The following LPA variants were observed in gnomAD, a reference collection of about 807,000 sequenced individuals.
LPA encodes lipoprotein(a), also known as apolipoprotein(a).
A neutral mutation model predicts 197.9 loss-of-function variants in LPA; 199 were observed. The ratio of observed to expected loss-of-function variants is 1.01; its 90% CI spans 0.90 to 1.13. The LOEUF is 1.13. Among genes scored for constraint, LPA ranks in the 50% most tolerant of loss-of-function variants. The probability of loss-of-function intolerance (pLI) is 0.00; values close to 1 mark genes in which losing one functional copy is unlikely to be tolerated. For synonymous variants in LPA, 715 were observed against 639.5 expected (o/e 1.12, Z -1.78); for missense variants, 1,853 against 1,785.8 (o/e 1.04, Z -0.68).
At chr6:160,553,954 T>TGTGTGTGTGTGTGCGC (rs771903485) in intron 30 of LPA, among the ~76,000 whole-genome samples, 2,850 of 130,698 alleles carry the variant, frequency 0.022, 42 homozygotes, top group Middle Eastern at 0.049. Flanking sequence ...TGTGTGTGTG[T>TGTGTGTGTGTGTGCGC]GCGCGCGCGC....
chr6:160,601,833 CT>C (rs1439960289), intron 18 of LPA, among the ~76,000 whole-genome samples: 1 of 152,188 alleles, frequency 6.6e-6, no homozygotes, highest in East Asian at 1.9e-4. Context: ...AGTCCATCCT[CT>C]GCTGGCCACA....
chr6:160,650,776 A>C (rs1224031559), intron 1 of LPA, among the ~76,000 whole-genome samples: 2 of 152,208 alleles, frequency 1.3e-5, no homozygotes, highest in Non-Finnish European at 2.9e-5. Context: ...GCTCTTTTTT[A>C]GAAATCTCTT....
At chr6:160,599,425 AC>A in intron 20 of LPA, 74 bp downstream of exon 20, 1 of 1,592,126 alleles carries the variant, frequency 6.3e-7, no homozygotes, top group South Asian at 1.1e-5. Context: ...CTGAGCAGTC[AC>A]CTTGAAGCAT....
Position 160,654,063 on chromosome 6 carries a change from TATTATATATAA to T in LPA, c.50-3577_50-3567del, listed in dbSNP as rs1562355019. On this transcript the variant is annotated intron_variant, in intron 1 of 38. Transcript: ENST00000316300. ...TATATAATATATAATATATTATATA[TATTATATATAA>T]TATATATTATATATATTATATATAA... is the stretch of plus-strand genomic sequence containing the variant. 1.0e-3 allele frequency among the ~76,000 whole-genome samples: 39 copies of T among 37,958 alleles called. 3 individuals carry two copies. Among genetic ancestry groups the T allele is most frequent in the African/African-American group, 4.7e-3 (37 of 7,880 alleles). 24.9% of individuals were successfully genotyped at this position (37,958 alleles called of 152,430 possible). A position where few individuals can be genotyped will look rare whatever the true frequency, so the allele number is the denominator to read the frequency against.
At chr6:160,609,042 G>C (rs1359857045) in intron 16 of LPA, among the ~76,000 whole-genome samples, 2 of 151,974 alleles carry the variant, frequency 1.3e-5, no homozygotes, top group East Asian at 1.9e-4. Flanking sequence ...AGTCAATACT[G>C]TTACTTTCTT....
chr6:160,610,817 G>A (rs1779486408), intron 16 of LPA, among the ~76,000 whole-genome samples: 1 of 152,128 alleles, frequency 6.6e-6, no homozygotes, highest in African/African-American at 2.4e-5. Context: ...CATCTATGGA[G>A]TTGAGCTCAT....
intron 28 of LPA, among the ~76,000 whole-genome samples, chr6:160,566,430 C>T (rs933505571): frequency 5.9e-5 from 9 of 152,122 alleles, no homozygotes; most frequent in African/African-American, 2.2e-4. Flanking sequence ...CCTTTACAGA[C>T]AAGCAAATGC....
chr6:160,647,400 A>C (rs149535297), intron 2 of LPA, among the ~76,000 whole-genome samples: 1 of 152,162 alleles, frequency 6.6e-6, no homozygotes, highest in East Asian at 1.9e-4. Flanking sequence ...GCTGCCTGAG[A>C]AAATGGGAAA....
chr6:160,606,380 A>C, intron 17 of LPA, 97 bp downstream of exon 17: 1 of 1,514,246 alleles, frequency 6.6e-7, no homozygotes, highest in Non-Finnish European at 9.2e-7. Context: ...ACACTCGAGC[A>C]TCCGTTTACC....
intron 30 of LPA, among the ~76,000 whole-genome samples, chr6:160,555,073 G>C (rs1778231569): frequency 6.6e-6 from 1 of 151,636 alleles, no homozygotes; most frequent in Non-Finnish European, 1.5e-5. Flanking sequence ...GTTTTTGTCA[G>C]ACCTGGTTTT....
intron 28 of LPA, among the ~76,000 whole-genome samples, chr6:160,561,008 C>A (rs769322946): frequency 6.6e-6 from 1 of 152,114 alleles, no homozygotes; most frequent in African/African-American, 2.4e-5. Flanking sequence ...CTCCTCAGCT[C>A]ATGCCATTCT....
chr6:160,568,618 T>C (rs1778506158), intron 28 of LPA, among the ~76,000 whole-genome samples: 1 of 152,180 alleles, frequency 6.6e-6, no homozygotes. Flanking sequence ...TTCAACATAG[T>C]GTTGGAAGTT....
At chr6:160,554,899 T>C (rs897018132) in intron 30 of LPA, among the ~76,000 whole-genome samples, 2 of 152,180 alleles carry the variant, frequency 1.3e-5, no homozygotes, top group Non-Finnish European at 1.5e-5. Context: ...TCCAATTCCT[T>C]GCCCTTCAGT....
chr6:160,597,322 G>A (rs1263933966), intron 20 of LPA, among the ~76,000 whole-genome samples: 1 of 152,214 alleles, frequency 6.6e-6, no homozygotes, highest in Non-Finnish European at 1.5e-5. Context: ...CTCTTCAGTT[G>A]TGTCAGTTTT....
chr6:160,648,393 T>C (rs1177440139), intron 2 of LPA, among the ~76,000 whole-genome samples: 1 of 152,326 alleles, frequency 6.6e-6, no homozygotes, highest in Admixed American at 6.5e-5. Flanking sequence ...TTTTTAATCT[T>C]CTTTATATTT....
At chr6:160,641,052 T>C (rs528590586) in intron 4 of LPA, among the ~76,000 whole-genome samples, 5 of 139,522 alleles carry the variant, frequency 3.6e-5, no homozygotes, top group Non-Finnish European at 3.1e-5. Flanking sequence ...AGATTATTAC[T>C]ATTTTTTTAA....
At chr6:160,600,775 C>T (rs376757611) in intron 19 of LPA, 142 bp downstream of exon 19, 9 of 936,722 alleles carry the variant, frequency 9.6e-6, no homozygotes, top group African/African-American at 1.6e-5. Flanking sequence ...CCAGAGAGTG[C>T]GCTAAGGCTT....
At chr6:160,608,994 CAT>C (rs1158617841) in intron 16 of LPA, among the ~76,000 whole-genome samples, 1 of 152,078 alleles carries the variant, frequency 6.6e-6, no homozygotes, top group African/African-American at 2.4e-5. Context: ...TCTTTTAAGA[CAT>C]AGCTTTTTAC....
At chr6:160,553,954 T>TGTGTGTGTGCGC (rs771903485) in intron 30 of LPA, among the ~76,000 whole-genome samples, 27 of 130,806 alleles carry the variant, frequency 2.1e-4, no homozygotes, top group African/African-American at 6.6e-4. Context: ...TGTGTGTGTG[T>TGTGTGTGTGCGC]GCGCGCGCGC....
Sources: allele counts gnomAD v4.1 joint callset (sites outside exome capture counted in the v4.1 genomes callset), GRCh38; gene constraint gnomAD v4.1.1; transcripts MANE v1.5; gene names NCBI Gene and HGNC (gene_info 2026-07-23, HGNC 2026-07-21).